The following GALNT16 variants were observed in gnomAD, a reference collection of about 807,000 sequenced individuals.
GALNT16 encodes the protein polypeptide N-acetylgalactosaminyltransferase 16.
Under a neutral mutation model 76.1 loss-of-function variants are expected in GALNT16, and 40 were observed. The observed-to-expected ratio is 0.53, with a 90% CI of 0.41 to 0.68. The LOEUF (loss-of-function observed/expected upper bound fraction) is 0.68. GALNT16 is among the 30% of genes least tolerant of loss of function. GALNT16 has a pLI of 0.00. For synonymous variants in GALNT16, 276 were observed against 285.2 expected (o/e 0.97, Z 0.32); for missense variants, 621 against 731.9 (o/e 0.85, Z 1.75).
chr14:69,333,411 CA>C lies in GALNT16; in HGVS notation c.864-85del. 1.2e-6 allele frequency: 1 copy of C among 821,836 alleles called. No homozygotes were observed. The allele number at this position is 821,836 out of a possible 1,614,324, so 50.9% of individuals were successfully genotyped here. Reference sequence around the variant, plus strand: ...GACTCTGCAGGGAGGGATCTAGAGGCAGACGGTCTTGGGTCCTGGGGCCATC... The same window carrying C: ...GACTCTGCAGGGAGGGATCTAGAGGCGACGGTCTTGGGTCCTGGGGCCATC... On this transcript the variant is annotated intron_variant, in intron 8 of 14. Transcript: ENST00000448469. This position sits in a 1 kb window ranked among gnomAD's most constrained non-coding sequence, Gnocchi z 4.2.
In GALNT16 at chr14:69,341,704, G is replaced by A. The variant is rs1182906865; in HGVS notation, c.1211G>A (p.Arg404Lys). 2 of 1,612,904 alleles carry A rather than the reference G, an allele frequency of 1.2e-6. No individual in the cohort carries two copies. Among genetic ancestry groups the A allele is most frequent in the East Asian group, 2.2e-5 (1 of 44,832 alleles). The part of the protein sequence containing the change: ...FGSVATRIEQ[R>K]KKMNCKSFRW... ...AGTGTGGCTACGCGGATAGAGCAGAGGAAGAAGATGAACTGCAAGTCCTTC... is the reference window on the plus strand; with the variant it reads ...AGTGTGGCTACGCGGATAGAGCAGAAGAAGAAGATGAACTGCAAGTCCTTC... The change falls in exon 12 of 15, where the codon AGG becomes AAG. Residue 404 changes from arginine (R) to lysine (K), a missense_variant. Physicochemically the swap from Arg to Lys is conservative, Grantham distance 26. Coordinates refer to ENST00000448469, the MANE Select transcript of GALNT16 (RefSeq NM_001168368.2).
At chr14:69,305,551 A>G (rs1031483808) in intron 1 of GALNT16, among the ~76,000 whole-genome samples, 4 of 152,076 alleles carry the variant, frequency 2.6e-5, no homozygotes, top group Non-Finnish European at 5.9e-5. Context: ...GGCTGTTTGT[A>G]TATATTCTTT....
intron 1 of GALNT16, among the ~76,000 whole-genome samples, chr14:69,266,426 A>G (rs1385138479): frequency 6.6e-6 from 1 of 152,240 alleles, no homozygotes; most frequent in Non-Finnish European, 1.5e-5. Context: ...CTTGACTCCA[A>G]AATCAAAGTA....
chr14:69,303,821 A>G (rs140201057), intron 1 of GALNT16, among the ~76,000 whole-genome samples: 23 of 152,072 alleles, frequency 1.5e-4, no homozygotes, highest in African/African-American at 5.3e-4. Context: ...CATAGCTAAT[A>G]TTATTATTGT....
chr14:69,334,494 G>A (rs373785342), intron 9 of GALNT16, among the ~76,000 whole-genome samples: 2 of 152,174 alleles, frequency 1.3e-5, no homozygotes, highest in Non-Finnish European at 2.9e-5. Context: ...GGCAGAATAC[G>A]GAAGGTGCAA....
At chr14:69,308,201 T>G (rs1594839422) in intron 1 of GALNT16, among the ~76,000 whole-genome samples, 1 of 152,232 alleles carries the variant, frequency 6.6e-6, no homozygotes, top group Non-Finnish European at 1.5e-5. Context: ...ATGATAATGA[T>G]GACAGTAATG....
At chr14:69,318,566 G>GT (rs1235114156) in intron 1 of GALNT16, among the ~76,000 whole-genome samples, 1 of 152,214 alleles carries the variant, frequency 6.6e-6, no homozygotes, top group African/African-American at 2.4e-5. Flanking sequence ...GTGCCCCAGT[G>GT]CCTGGTAGAT....
chr14:69,339,699 G>A (rs1339142424), intron 11 of GALNT16, 80 bp downstream of exon 11: 10 of 859,052 alleles, frequency 1.2e-5, no homozygotes, highest in Middle Eastern at 2.7e-4. Flanking sequence ...TGGTATGTAC[G>A]CCAGGGAACC....
intron 1 of GALNT16, 112 bp downstream of exon 1, chr14:69,260,579 C>A: frequency 1.4e-6 from 1 of 719,886 alleles, no homozygotes; most frequent in Non-Finnish European, 1.9e-6. Context: ...CCCGCTGCGC[C>A]GGGCCGGCTT....
intron 5 of GALNT16, among the ~76,000 whole-genome samples, chr14:69,327,898 C>A (rs1463486247): frequency 6.6e-6 from 1 of 152,088 alleles, no homozygotes; most frequent in Non-Finnish European, 1.5e-5. Flanking sequence ...AAGCTCTGTC[C>A]CTGTCGTCTT....
intron 12 of GALNT16, among the ~76,000 whole-genome samples, chr14:69,345,975 C>G (rs2140198461): frequency 1.3e-5 from 2 of 152,182 alleles, no homozygotes; most frequent in Admixed American, 1.3e-4. Context: ...GCAGCCTCAA[C>G]TACCTGGGCT....
chr14:69,306,431 C>A (rs1026946617), intron 1 of GALNT16, among the ~76,000 whole-genome samples: 1 of 152,050 alleles, frequency 6.6e-6, no homozygotes, highest in African/African-American at 2.4e-5. Flanking sequence ...AAGATTTATA[C>A]CAGTTTATAC....
the GALNT16 span, among the ~76,000 whole-genome samples, chr14:69,376,425 G>A: frequency 6.6e-6 from 1 of 152,008 alleles, no homozygotes; most frequent in African/African-American, 2.4e-5. Context: ...CTCCAAGATA[G>A]TAATTCATTT....
chr14:69,378,946 T>C, the GALNT16 span, among the ~76,000 whole-genome samples: 1 of 146,402 alleles, frequency 6.8e-6, no homozygotes, highest in Non-Finnish European at 1.5e-5. Flanking sequence ...GCTTTATTTA[T>C]TTTTTTTTTG....
chr14:69,332,981 C>T, intron 7 of GALNT16, 104 bp from the exon 8 acceptor site: 1 of 817,618 alleles, frequency 1.2e-6, no homozygotes, highest in South Asian at 1.4e-5. Context: ...CACGAAGAGC[C>T]CAGGGCTCTG....
chr14:69,274,302 A>T (rs2044443818), intron 1 of GALNT16, among the ~76,000 whole-genome samples: 1 of 152,210 alleles, frequency 6.6e-6, no homozygotes, highest in South Asian at 2.1e-4. Flanking sequence ...TTATTTGTTA[A>T]TTTGTATATT....
intron 1 of GALNT16, among the ~76,000 whole-genome samples, chr14:69,262,844 C>A (rs1360164124): frequency 6.6e-6 from 1 of 151,978 alleles, no homozygotes; most frequent in Non-Finnish European, 1.5e-5. Flanking sequence ...AAGCTCCTTG[C>A]ATCCCCACAT....
At chr14:69,277,892 C>T (rs2140112244) in intron 1 of GALNT16, among the ~76,000 whole-genome samples, 1 of 152,316 alleles carries the variant, frequency 6.6e-6, no homozygotes, top group East Asian at 1.9e-4. Flanking sequence ...CCTGTTGTTT[C>T]CTGACTTTTT....
At chr14:69,338,818 A>G (rs1242051501) in intron 10 of GALNT16, 41 bp downstream of exon 10, 1 of 1,529,462 alleles carries the variant, frequency 6.5e-7, no homozygotes, top group Admixed American at 1.8e-5. Flanking sequence ...AGAGGAGGAC[A>G]CCAAGGCCCA....
Sources: allele counts gnomAD v4.1 joint callset (sites outside exome capture counted in the v4.1 genomes callset), GRCh38; gene constraint gnomAD v4.1.1; non-coding constraint Gnocchi (gnomAD v3.1); transcripts MANE v1.5; gene names NCBI Gene and HGNC (gene_info 2026-07-23, HGNC 2026-07-21).